Variants in CNTN5 observed in about 807,000 individuals in gnomAD.
CNTN5 encodes contactin-5.
In CNTN5, 77 loss-of-function variants were observed where a neutral mutation model predicts 129.1. The observed-to-expected ratio is 0.60, with a 90% CI of 0.50 to 0.72. CNTN5 has a LOEUF of 0.72. Ranked by LOEUF, CNTN5 falls within the 30% of genes least tolerant of loss-of-function variation. CNTN5 has a pLI of 0.00. For missense variants in CNTN5, 1,478 were observed against 1,328.8 expected (o/e 1.11, Z -1.75); for synonymous variants, 509 against 465.6 (o/e 1.09, Z -1.20).
intron 13 of CNTN5, among the ~76,000 whole-genome samples, chr11:100,121,697 C>T (rs1212178957): frequency 6.6e-6 from 1 of 151,944 alleles, no homozygotes; most frequent in Non-Finnish European, 1.5e-5. Flanking sequence ...GTGCCAGGCA[C>T]TGATTGATGT....
At chr11:99,766,947 A>T (rs947981) in intron 3 of CNTN5, among the ~76,000 whole-genome samples, 7 of 151,754 alleles carry the variant, frequency 4.6e-5, no homozygotes, top group Admixed American at 1.3e-4. Flanking sequence ...CTTAATCTTC[A>T]GATATTTGCT....
At chr11:99,180,232 T>C (rs1565381465) in intron 1 of CNTN5, among the ~76,000 whole-genome samples, 1 of 152,058 alleles carries the variant, frequency 6.6e-6, no homozygotes, top group Admixed American at 6.6e-5. Flanking sequence ...AGTAAGCAGA[T>C]TGATATGATA....
At chr11:99,685,419 TTTTC>T (rs1271306408) in intron 3 of CNTN5, among the ~76,000 whole-genome samples, 4 of 152,046 alleles carry the variant, frequency 2.6e-5, no homozygotes, top group African/African-American at 9.6e-5. Flanking sequence ...TCCCTTCTGA[TTTTC>T]TTTCTATTTG....
intron 2 of CNTN5, among the ~76,000 whole-genome samples, chr11:99,400,483 C>T (rs529843885): frequency 6.6e-6 from 1 of 152,022 alleles, no homozygotes. Flanking sequence ...TTGATGGACA[C>T]TTAGGCTTAA....
In CNTN5 at chr11:99,211,239, A is replaced by C. The variant is rs192125538; in HGVS notation, c.-209-114107A>C. The stretch of plus-strand genomic sequence containing the variant: ...TGGTATTCTCTTTCTTTGTTTAGTC[A>C]CTTGTTTTGTTTTGGTGAAACATAT... On this transcript the variant is annotated intron_variant, in intron 1 of 24. Coordinates refer to ENST00000524871, the MANE Select transcript of CNTN5 (RefSeq NM_014361.4). Among the ~76,000 whole-genome samples the C allele has an allele frequency of 1.5e-3, 230 of 151,930 alleles. 3 individuals carry two copies. Among genetic ancestry groups the C allele is most frequent in the African/African-American group, 5.3e-3 (221 of 41,446 alleles).
At chr11:100,218,908 T>G (rs961002447) in intron 15 of CNTN5, among the ~76,000 whole-genome samples, 1 of 152,116 alleles carries the variant, frequency 6.6e-6, no homozygotes, top group African/African-American at 2.4e-5. Context: ...TTTAAAGGAT[T>G]AACTTAGCAT....
At chr11:100,137,075 G>A (rs1365946436) in intron 13 of CNTN5, among the ~76,000 whole-genome samples, 1 of 151,846 alleles carries the variant, frequency 6.6e-6, no homozygotes, top group East Asian at 1.9e-4. Flanking sequence ...TATAAATACA[G>A]AATTCTATGG....
chr11:99,967,269 G>A (rs1255052276), intron 8 of CNTN5, among the ~76,000 whole-genome samples: 3 of 152,174 alleles, frequency 2.0e-5, no homozygotes, highest in Admixed American at 2.0e-4. Context: ...AGGTTTGGAA[G>A]ATTTGAAGTG....
chr11:99,663,546 G>C (rs1435050680), intron 3 of CNTN5, among the ~76,000 whole-genome samples: 1 of 152,148 alleles, frequency 6.6e-6, no homozygotes, highest in Non-Finnish European at 1.5e-5. Context: ...GATATGGTTT[G>C]ACTTTGTGTC....
chr11:99,214,499 G>A (rs1167881310), intron 1 of CNTN5, among the ~76,000 whole-genome samples: 2 of 150,548 alleles, frequency 1.3e-5, no homozygotes, highest in African/African-American at 2.4e-5. Flanking sequence ...TGTGAACTTT[G>A]ACAAATCCTT....
At chr11:100,213,176 A>T (rs960458212) in intron 15 of CNTN5, among the ~76,000 whole-genome samples, 1 of 152,136 alleles carries the variant, frequency 6.6e-6, no homozygotes, top group Non-Finnish European at 1.5e-5. Context: ...TTCCCTCCAA[A>T]TTTCACATAC....
At chr11:99,726,782 C>T (rs1469333775) in intron 3 of CNTN5, among the ~76,000 whole-genome samples, 1 of 152,100 alleles carries the variant, frequency 6.6e-6, no homozygotes. Context: ...ATTCTTCCGG[C>T]AGGTCATATA....
chr11:99,331,619 A>G (rs1866002702), intron 2 of CNTN5, among the ~76,000 whole-genome samples: 1 of 152,178 alleles, frequency 6.6e-6, no homozygotes, highest in South Asian at 2.1e-4. Flanking sequence ...AAAAGAAAAT[A>G]TTTAGCAATC....
At chr11:99,338,919 G>GAGATATATAT (rs1439735754) in intron 2 of CNTN5, among the ~76,000 whole-genome samples, 5 of 126,978 alleles carry the variant, frequency 3.9e-5, no homozygotes, top group Middle Eastern at 4.3e-3. Context: ...TTCATTCACA[G>GAGATATATAT]ATATATATAT....
In CNTN5 at chr11:100,289,658, G is replaced by A. The variant is rs1271057603; in HGVS notation, c.2315-7967G>A. ...ACAAACCCACAGCCAATATCATACC[G>A]AATGGGCAAAAACTGGAAGCATTCC... On this transcript the variant is annotated intron_variant, in intron 18 of 24. Transcript: ENST00000524871. Among the ~76,000 whole-genome samples, 285 of 151,726 alleles carry A rather than the reference G, an allele frequency of 1.9e-3. 2 individuals carry two copies. Among genetic ancestry groups the A allele is most frequent in the African/African-American group, 5.2e-3 (217 of 41,350 alleles).
intron 21 of CNTN5, among the ~76,000 whole-genome samples, chr11:100,325,153 A>C (rs1951765569): frequency 6.6e-6 from 1 of 152,166 alleles, no homozygotes; most frequent in African/African-American, 2.4e-5. Flanking sequence ...TGAAACTCTT[A>C]GTAGAAGGAC....
chr11:99,425,902 G>A (rs1276970688), intron 2 of CNTN5, among the ~76,000 whole-genome samples: 2 of 152,188 alleles, frequency 1.3e-5, no homozygotes, highest in African/African-American at 4.8e-5. Context: ...CTCCAGAAAG[G>A]TCACTGCTGC....
intron 3 of CNTN5, among the ~76,000 whole-genome samples, chr11:99,656,579 A>G (rs17134138): frequency 0.21 from 32,371 of 152,128 alleles, 3,566 homozygotes; most frequent in South Asian, 0.29. Context: ...GCACTAGTTA[A>G]TGGACCTTAA....
At chr11:99,595,850 G>A (rs891948025) in intron 3 of CNTN5, among the ~76,000 whole-genome samples, 1 of 151,876 alleles carries the variant, frequency 6.6e-6, no homozygotes, top group African/African-American at 2.4e-5. Context: ...ACTTTAGTGT[G>A]GTGCATCATA....
Sources: allele counts gnomAD v4.1 joint callset (sites outside exome capture counted in the v4.1 genomes callset), GRCh38; gene constraint gnomAD v4.1.1; transcripts MANE v1.5; gene names NCBI Gene and HGNC (gene_info 2026-07-23, HGNC 2026-07-21).